The following FAT3 variants were observed in gnomAD, a reference collection of about 807,000 sequenced individuals.
The protein encoded by FAT3 is protocadherin Fat 3.
In FAT3, 95 loss-of-function variants were observed where a neutral mutation model predicts 310.2. The ratio of observed to expected loss-of-function variants is 0.31; its 90% CI spans 0.26 to 0.36. The LOEUF (loss-of-function observed/expected upper bound fraction) is 0.36, where lower values mean the gene tolerates loss of function less well. Among genes scored for constraint, FAT3 ranks in the 10% least tolerant of loss-of-function variants. The probability of loss-of-function intolerance (pLI) is 1.00; values close to 1 mark genes in which losing one functional copy is unlikely to be tolerated. For synonymous variants in FAT3, 2,314 were observed against 2,192.9 expected (o/e 1.06, Z -1.54); for missense variants, 5,408 against 5,715.6 (o/e 0.95, Z 1.74).
rs747995466 is a variant in FAT3, at chr11:92,792,953, G to A, written c.4798G>A (p.Glu1600Lys). The A allele has an allele frequency of 1.2e-6, 2 of 1,613,626 alleles. No homozygotes were observed. The highest frequency in any genetic ancestry group is 1.7e-6 in the Non-Finnish European group (2 of 1,179,724). Residue 1600 changes from glutamate (E) to lysine (K), a missense_variant, in exon 9 of 28, where the codon GAA becomes AAA. Physicochemically the swap from Glu to Lys is moderately conservative, Grantham distance 56. This residue lies in a region of FAT3 where 4,588 missense variants were observed against 4,809.8 expected (regional missense o/e 0.95). Transcript: ENST00000525166. Reference protein sequence around the residue: ...ALDKDKGENAELIYTIEAGNT... With the variant: ...ALDKDKGENAKLIYTIEAGNT... Reference sequence around the variant, plus strand: ...GGACAAAGACAAAGGAGAAAATGCAGAACTCATATATACCATAGAAGCAGG... The same window carrying A: ...GGACAAAGACAAAGGAGAAAATGCAAAACTCATATATACCATAGAAGCAGG...
chr11:92,289,460 T>C (rs984200576), intron 1 of FAT3, among the ~76,000 whole-genome samples: 3 of 151,300 alleles, frequency 2.0e-5, no homozygotes, highest in Non-Finnish European at 2.9e-5. Flanking sequence ...TCTCAATAAA[T>C]GGTAGCTCCA....
intron 2 of FAT3, among the ~76,000 whole-genome samples, chr11:92,358,875 C>T (rs1948804616): frequency 6.6e-6 from 1 of 152,204 alleles, no homozygotes; most frequent in African/African-American, 2.4e-5. Flanking sequence ...ATTACTGAGT[C>T]TCAGGTCTAG....
chr11:92,866,760 G>C lies in FAT3; in HGVS notation c.11678G>C (p.Trp3893Ser). 1 of 1,613,252 alleles carries C rather than the reference G, an allele frequency of 6.2e-7. No homozygotes were observed. Among genetic ancestry groups the C allele is most frequent in the Non-Finnish European group, 8.5e-7 (1 of 1,179,614 alleles). The change falls in exon 22 of 28, where the codon TGG becomes TCG. Residue 3893 changes from tryptophan (W) to serine (S), a missense_variant. Coordinates refer to ENST00000525166, the MANE Select transcript of FAT3 (RefSeq NM_001367949.2). ...IILKIVDGKL[W>S]FQLDCGSGPG... ...ACGCAGATTGTGGATGGCAAGCTGT[G>C]GTTCCAGCTGGACTGCGGCAGCGGC...
intron 4 of FAT3, among the ~76,000 whole-genome samples, chr11:92,720,043 C>G (rs1443917063): frequency 6.6e-6 from 1 of 152,018 alleles, no homozygotes; most frequent in African/African-American, 2.4e-5. Flanking sequence ...GGATTTTTTT[C>G]TATACCACAG....
Position 92,809,887 on chromosome 11 carries a change from G to C in FAT3, c.9292G>C (p.Val3098Leu). The C allele has an allele frequency of 1.2e-6, 2 of 1,614,008 alleles. No individual in the cohort carries two copies. The highest frequency in any genetic ancestry group is 1.7e-6 in the Non-Finnish European group (2 of 1,179,872). ...TCTGTTGGACCGGGAGAGGATCCCCGTGTACAGCCTGATGGCCAAGGCCAC... is the reference window on the plus strand; with the variant it reads ...TCTGTTGGACCGGGAGAGGATCCCCCTGTACAGCCTGATGGCCAAGGCCAC... Reference protein sequence around the residue: ...LALLDRERIPVYSLMAKATDG... With the variant: ...LALLDRERIPLYSLMAKATDG... The change falls in exon 13 of 28, where the codon GTG becomes CTG. Residue 3098 changes from valine to leucine, a missense_variant. Val to Leu is a conservative substitution (Grantham distance 32). Coordinates refer to ENST00000525166, the MANE Select transcript of FAT3 (RefSeq NM_001367949.2).
At chr11:92,571,357 C>T (rs1193573744) in intron 3 of FAT3, among the ~76,000 whole-genome samples, 1 of 152,094 alleles carries the variant, frequency 6.6e-6, no homozygotes, top group African/African-American at 2.4e-5. Context: ...GAAGGGTGGG[C>T]AAAGGATGCC....
intron 2 of FAT3, among the ~76,000 whole-genome samples, chr11:92,363,013 T>C (rs1948920926): frequency 6.6e-6 from 1 of 152,324 alleles, no homozygotes; most frequent in East Asian, 1.9e-4. Flanking sequence ...TTTGTTTTGC[T>C]AAAGAACCTG....
At chr11:92,627,986 C>T (rs1489308618) in intron 3 of FAT3, among the ~76,000 whole-genome samples, 6 of 152,246 alleles carry the variant, frequency 3.9e-5, no homozygotes, top group Middle Eastern at 3.4e-3. Context: ...ACCTACTGTG[C>T]GACCTCAGAA....
intron 3 of FAT3, among the ~76,000 whole-genome samples, chr11:92,601,802 A>G (rs1940040940): frequency 1.3e-5 from 2 of 152,166 alleles, no homozygotes; most frequent in Non-Finnish European, 2.9e-5. Context: ...TAGGGTTGAA[A>G]TAAACATCAT....
chr11:92,266,014 G>T (rs968580718), intron 1 of FAT3, among the ~76,000 whole-genome samples: 3 of 151,842 alleles, frequency 2.0e-5, no homozygotes, highest in South Asian at 2.1e-4. Context: ...GATGTTTTTT[G>T]AACTTAACTT....
chr11:92,731,716 C>T (rs1168342798), intron 4 of FAT3, among the ~76,000 whole-genome samples: 1 of 151,918 alleles, frequency 6.6e-6, no homozygotes, highest in African/African-American at 2.4e-5. Context: ...AAAAAAAGCC[C>T]TTAAGGCAGT....
intron 13 of FAT3, among the ~76,000 whole-genome samples, chr11:92,820,338 C>T (rs932103721): frequency 4.6e-5 from 7 of 152,140 alleles, no homozygotes; most frequent in Non-Finnish European, 1.0e-4. Context: ...TGTCTTTCTT[C>T]TCTTCTTATG....
rs975683008 is a variant in FAT3, at chr11:92,866,803, C to A, written c.11721C>A (p.Ile3907=). Residue 3907 remains isoleucine, a synonymous_variant, in exon 22 of 28, where the codon ATC becomes ATA. Coordinates refer to ENST00000525166, the MANE Select transcript of FAT3 (RefSeq NM_001367949.2). ...DCGSGPGILG[I]SGRAVNDGSW... ...GCAGCGGCCCTGGAATCTTGGGCAT[C>A]TCGGGCCGTGCTGTCAACGACGGGA... 1 of 1,613,902 alleles carries A rather than the reference C, an allele frequency of 6.2e-7. No individual in the cohort carries two copies. Among genetic ancestry groups the A allele is most frequent in the Non-Finnish European group, 8.5e-7 (1 of 1,179,882 alleles).
At chr11:92,284,671 C>A (rs16917340) in intron 1 of FAT3, among the ~76,000 whole-genome samples, 18,809 of 151,988 alleles carry the variant, frequency 0.12, 1,269 homozygotes, top group East Asian at 0.3. Flanking sequence ...TTTAGATGAA[C>A]TTTGCAGAGG....
At chr11:92,684,870 C>T (rs1808467557) in intron 3 of FAT3, among the ~76,000 whole-genome samples, 1 of 152,152 alleles carries the variant, frequency 6.6e-6, no homozygotes, top group Non-Finnish European at 1.5e-5. Context: ...TAAAATGCCA[C>T]CTAGCTCATC....
chr11:92,611,566 G>GT (rs1940564463), intron 3 of FAT3, among the ~76,000 whole-genome samples: 1 of 152,050 alleles, frequency 6.6e-6, no homozygotes, highest in African/African-American at 2.4e-5. Context: ...GCTAACTTTT[G>GT]TATTTTTAGT....
chr11:92,628,359 G>C (rs924538650), intron 3 of FAT3, among the ~76,000 whole-genome samples: 1 of 152,060 alleles, frequency 6.6e-6, no homozygotes, highest in African/African-American at 2.4e-5. Flanking sequence ...ATTAAGTTTA[G>C]CTTCTGTTCT....
chr11:92,782,079 C>T lies in FAT3; in HGVS notation c.4336-7864C>T, dbSNP rs574372033. ...ATCCCAACATTTTGGGAGGCTGAGA[C>T]GGGAGGATCACTTGAGGCCAGGAAT... On this transcript the variant is annotated intron_variant, in intron 7 of 27. Coordinates refer to ENST00000525166, the MANE Select transcript of FAT3 (RefSeq NM_001367949.2). Among the ~76,000 whole-genome samples the T allele has an allele frequency of 6.6e-5, 10 of 152,048 alleles. No individual in the cohort carries two copies. The South Asian group carries it at 1.0e-3, about 16-fold the overall frequency.
At chr11:92,777,711 G>A (rs143905064) in intron 7 of FAT3, among the ~76,000 whole-genome samples, 1 of 152,182 alleles carries the variant, frequency 6.6e-6, no homozygotes, top group Non-Finnish European at 1.5e-5. Context: ...GTCACCTCAA[G>A]CAAGCCACCT....
Sources: gnomAD v4.1 joint callset for allele counts (sites outside exome capture counted in the v4.1 genomes callset) on GRCh38, gnomAD v4.1.1 for gene constraint, gnomAD v4.1.1 regional missense constraint, MANE v1.5 for transcripts, NCBI Gene and HGNC (gene_info 2026-07-23, HGNC 2026-07-21) for gene names.